The following CIBAR2 variants were observed in gnomAD, a reference collection of about 807,000 sequenced individuals.
The protein encoded by CIBAR2 is CBY1-interacting BAR domain-containing protein 2.
In CIBAR2, 38 loss-of-function variants were observed where a neutral mutation model predicts 36.2. That is an observed-to-expected ratio of 1.05 (90% CI 0.81 to 1.38). CIBAR2 has a LOEUF of 1.38. Ranked by LOEUF, CIBAR2 falls within the 40% of genes most tolerant of loss-of-function variation. CIBAR2 has a pLI of 0.00. For synonymous variants in CIBAR2, 182 were observed against 149.5 expected (o/e 1.22, Z -1.58); for missense variants, 481 against 383.4 (o/e 1.25, Z -2.13).
At chr16:85,105,986 T>A (rs983745247) in intron 5 of CIBAR2, among the ~76,000 whole-genome samples, 2 of 152,226 alleles carry the variant, frequency 1.3e-5, no homozygotes, top group African/African-American at 4.8e-5. Flanking sequence ...GTCACCTTTC[T>A]TGGTTTCAGA....
At position 85,108,102 on chromosome 16, in the gene CIBAR2, G is replaced by T; in HGVS notation, c.256-3C>A. Reference sequence around the variant, plus strand: ...ACCTTGGTCTCCAGCCTCTCGACCTGGGGGAGCGGGGACACCAGGGGATCT... The same window carrying T: ...ACCTTGGTCTCCAGCCTCTCGACCTTGGGGAGCGGGGACACCAGGGGATCT... On this transcript the variant is annotated splice_polypyrimidine_tract_variant and splice_region_variant and intron_variant, in intron 2 of 8. Transcript: ENST00000539556. The T allele has an allele frequency of 6.2e-7, 1 of 1,607,014 alleles. No homozygotes were observed. Among genetic ancestry groups the T allele is most frequent in the African/African-American group, 1.3e-5 (1 of 74,882 alleles).
In CIBAR2 at chr16:85,110,306, A is replaced by G; in HGVS notation, c.175T>C (p.Ser59Pro). 6.2e-7 allele frequency: 1 copy of G among 1,611,940 alleles called. No homozygotes were observed. Among genetic ancestry groups the G allele is most frequent in the Non-Finnish European group, 8.5e-7 (1 of 1,178,782 alleles). Residue 59 changes from serine (S) to proline (P), a missense_variant, in exon 2 of 9, where the codon TCC becomes CCC. Coordinates refer to ENST00000539556, the MANE Select transcript of CIBAR2 (RefSeq NM_198491.3). ...GTGGCCCGCAGCTCGGGGTTCTCGGAGTTGGCAAAGTCGATGAGCTGCTTG... is the reference window on the plus strand; with the variant it reads ...GTGGCCCGCAGCTCGGGGTTCTCGGGGTTGGCAAAGTCGATGAGCTGCTTG... ...LVKQLIDFANSENPELRATMR... is the reference protein window; with the variant it reads ...LVKQLIDFANPENPELRATMR...
At chr16:85,099,797 C>CG (rs1567556619) in intron 8 of CIBAR2, among the ~76,000 whole-genome samples, 1 of 77,532 alleles carries the variant, frequency 1.3e-5, no homozygotes, top group Non-Finnish European at 2.4e-5. Context: ...CTAATTTTTG[C>CG]TTTTTTTTTT....
At chr16:85,108,276 G>C (rs2074013811) in intron 2 of CIBAR2, among the ~76,000 whole-genome samples, 177 bp from the exon 3 acceptor site, 1 of 152,194 alleles carries the variant, frequency 6.6e-6, no homozygotes, top group Non-Finnish European at 1.5e-5. Flanking sequence ...TGGGTTCAGG[G>C]CCCGGCTCTG....
rs1399508769 is a variant in CIBAR2 at position 85,112,440 on chromosome 16, T to A, written c.-88A>T. The A allele has an allele frequency of 1.5e-6, 2 of 1,349,044 alleles. No individual in the cohort carries two copies. Among genetic ancestry groups the A allele is most frequent in the Admixed American group, 1.7e-5 (1 of 58,668 alleles). 83.6% of individuals were successfully genotyped at this position (1,349,044 alleles called of 1,614,324 possible). A position where few individuals can be genotyped will look rare whatever the true frequency, so the allele number is the denominator to read the frequency against. On this transcript the variant is annotated 5_prime_UTR_variant, in exon 1 of 9. Coordinates refer to ENST00000539556, the MANE Select transcript of CIBAR2 (RefSeq NM_198491.3). The stretch of plus-strand genomic sequence containing the variant: ...AGGCCTGGGAGGAGCCGGGCAGGGC[T>A]GGGTGCAGCTGTGTGGCCTGGGCTC...
intron 2 of CIBAR2, among the ~76,000 whole-genome samples, chr16:85,109,813 A>T (rs536468595): frequency 2.2e-4 from 34 of 152,164 alleles, no homozygotes; most frequent in African/African-American, 8.2e-4. Flanking sequence ...CTTTTCTACA[A>T]TTCATGGTGA....
chr16:85,111,825 G>C (rs1238179228), intron 1 of CIBAR2, among the ~76,000 whole-genome samples: 2 of 152,254 alleles, frequency 1.3e-5, no homozygotes, highest in African/African-American at 4.8e-5. Context: ...ACTCCAGCTT[G>C]GGCTACAGAG....
chr16:85,100,303 T>C, intron 7 of CIBAR2, 63 bp from the exon 8 acceptor site: 1 of 1,087,770 alleles, frequency 9.2e-7, no homozygotes, highest in Non-Finnish European at 1.4e-6. Flanking sequence ...GTTGGGGGAG[T>C]GGGATGGAAA....
intron 7 of CIBAR2, 62 bp from the exon 8 acceptor site, chr16:85,100,302 G>T: frequency 9.1e-7 from 1 of 1,103,880 alleles, no homozygotes; most frequent in Non-Finnish European, 1.3e-6. Context: ...GGTTGGGGGA[G>T]TGGGATGGAA....
rs528444003 is a variant in CIBAR2 at position 85,104,052 on chromosome 16, A to G, written c.537+1275T>C. Among the ~76,000 whole-genome samples the G allele has an allele frequency of 2.0e-5, 3 of 152,360 alleles. No individual in the cohort carries two copies. The South Asian group carries it at 6.2e-4, about 32-fold the overall frequency. On this transcript the variant is annotated intron_variant, in intron 6 of 8. Transcript: ENST00000539556. ...TGTGCATTCCACACTTGTTAAAGTA[A>G]CACGTGAATTGAATACACAATTAAC...
chr16:85,100,358 C>T (rs1369506745), intron 7 of CIBAR2, 118 bp from the exon 8 acceptor site: 1 of 616,020 alleles, frequency 1.6e-6, no homozygotes, highest in East Asian at 2.9e-5. Flanking sequence ...GCTCATGGAA[C>T]TCCACGGTCC....
rs780219482 is a variant in CIBAR2, at chr16:85,098,716, C to A, written c.*469G>T. On this transcript the variant is annotated 3_prime_UTR_variant, in exon 9 of 9. Coordinates refer to ENST00000539556, the MANE Select transcript of CIBAR2 (RefSeq NM_198491.3). ...AATAATAATAAAACGACAGCAACAT[C>A]AGTAATGATAATGGCAGCAACAAGT... is the stretch of plus-strand genomic sequence containing the variant. 5.0e-6 allele frequency: 4 copies of A among 806,186 alleles called. No individual in the cohort carries two copies. In the South Asian group the frequency reaches 2.2e-4, roughly 45 times the overall value. 49.9% of individuals were successfully genotyped at this position (806,186 alleles called of 1,614,324 possible).
intron 4 of CIBAR2, 53 bp from the exon 5 acceptor site, chr16:85,107,725 G>C: frequency 6.2e-7 from 1 of 1,611,592 alleles, no homozygotes. Flanking sequence ...CCCCGTTGGG[G>C]TGGTCCGCCC....
chr16:85,099,568 C>T (rs2144149033), intron 8 of CIBAR2, among the ~76,000 whole-genome samples: 1 of 151,892 alleles, frequency 6.6e-6, no homozygotes, highest in African/African-American at 2.4e-5. Flanking sequence ...CCATGGCAGC[C>T]ACGGCAGGGA....
rs541845112 is a variant in CIBAR2, at chr16:85,100,002, C to A, written c.753+137G>T. The A allele has an allele frequency of 1.6e-5, 11 of 675,030 alleles. No homozygotes were observed. In the Admixed American group the frequency reaches 3.1e-4, roughly 19 times the overall value. 41.8% of individuals were successfully genotyped at this position (675,030 alleles called of 1,614,324 possible). A position where few individuals can be genotyped will look rare whatever the true frequency, so the allele number is the denominator to read the frequency against. On this transcript the variant is annotated intron_variant, in intron 8 of 8. Coordinates refer to ENST00000539556, the MANE Select transcript of CIBAR2 (RefSeq NM_198491.3). ...CCCGGGCAGCCCTCCATGCTCCCAC[C>A]ACCCCTGCCTCCTCAGCCTCCCATT...
rs9931038 is a variant in CIBAR2 at position 85,112,371 on chromosome 16, T to C, written c.-19A>G. On this transcript the variant is annotated 5_prime_UTR_variant, in exon 1 of 9. Transcript: ENST00000539556. Reference sequence around the variant, plus strand: ...TGTTCATTGTGACCAGAGCTTTGGCTGTCCCGGTGCTGGGGAATAAGGACA... The same window carrying C: ...TGTTCATTGTGACCAGAGCTTTGGCCGTCCCGGTGCTGGGGAATAAGGACA... 0.47 allele frequency: 761,681 copies of C among 1,610,508 alleles called. 186,295 individuals carry two copies. Among genetic ancestry groups the C allele is most frequent in the African/African-American group, 0.6 (44,933 of 74,908 alleles).
chr16:85,108,501 G>C (rs971273505), intron 2 of CIBAR2, among the ~76,000 whole-genome samples: 1 of 152,226 alleles, frequency 6.6e-6, no homozygotes, highest in Non-Finnish European at 1.5e-5. Flanking sequence ...TCTCCCAACT[G>C]CCACACAGGG....
chr16:85,104,377 T>A (rs1335316888), intron 6 of CIBAR2, among the ~76,000 whole-genome samples: 1 of 152,130 alleles, frequency 6.6e-6, no homozygotes, highest in East Asian at 1.9e-4. Context: ...CACCAGAGGG[T>A]GCTCAGCCCA....
At chr16:85,105,859 A>G (rs1171522124) in intron 5 of CIBAR2, among the ~76,000 whole-genome samples, 3 of 152,192 alleles carry the variant, frequency 2.0e-5, no homozygotes, top group South Asian at 2.1e-4. Flanking sequence ...TTTGATCAAC[A>G]TCTATAGACG....
Sources: allele counts gnomAD v4.1 joint callset (sites outside exome capture counted in the v4.1 genomes callset), GRCh38; gene constraint gnomAD v4.1.1; transcripts MANE v1.5; gene names NCBI Gene and HGNC (gene_info 2026-07-23, HGNC 2026-07-21).